The following FAM83D variants were observed in gnomAD, a reference collection of about 807,000 sequenced individuals.
FAM83D encodes the protein scaffolding CK1 anchoring protein D.
A neutral mutation model predicts 25.4 loss-of-function variants in FAM83D; 26 were observed. The observed-to-expected ratio is 1.02, with a 90% CI of 0.75 to 1.42. The LOEUF is 1.42. Among genes scored for constraint, FAM83D ranks in the 40% most tolerant of loss-of-function variants. The pLI is 0.00. For missense variants in FAM83D, 740 were observed against 758.1 expected (o/e 0.98, Z 0.28); for synonymous variants, 310 against 318.5 (o/e 0.97, Z 0.28).
At chr20:38,936,717 T>G (rs1310959442) in intron 1 of FAM83D, among the ~76,000 whole-genome samples, 1 of 152,190 alleles carries the variant, frequency 6.6e-6, no homozygotes, top group Non-Finnish European at 1.5e-5. Flanking sequence ...TTGAACAAGC[T>G]ACCTAACCTC....
intron 1 of FAM83D, among the ~76,000 whole-genome samples, chr20:38,937,018 TGA>T (rs1428155277): frequency 1.3e-5 from 2 of 152,170 alleles, no homozygotes; most frequent in Non-Finnish European, 2.9e-5. Flanking sequence ...GATGATGATG[TGA>T]GAGTGGACAC....
chr20:38,932,675 G>A (rs182704675), intron 1 of FAM83D, among the ~76,000 whole-genome samples: 6 of 152,298 alleles, frequency 3.9e-5, no homozygotes, highest in African/African-American at 7.2e-5. Context: ...GGCTGTGGCC[G>A]CCTGCCTGGA....
intron 1 of FAM83D, among the ~76,000 whole-genome samples, chr20:38,928,488 G>T (rs1415334537): frequency 1.3e-5 from 2 of 152,292 alleles, no homozygotes; most frequent in East Asian, 1.9e-4. Context: ...TCAGTGAAAA[G>T]ATTAAAAAGA....
intron 2 of FAM83D, among the ~76,000 whole-genome samples, chr20:38,946,434 A>G (rs889744059): frequency 1.3e-5 from 2 of 152,264 alleles, no homozygotes; most frequent in Non-Finnish European, 2.9e-5. Flanking sequence ...CAAATGTTAC[A>G]TCTTATGTAA....
At chr20:38,927,244 TAAAATCA>T (rs2085639980) in intron 1 of FAM83D, among the ~76,000 whole-genome samples, 1 of 152,166 alleles carries the variant, frequency 6.6e-6, no homozygotes, top group African/African-American at 2.4e-5. Context: ...AAATTTCAGT[TAAAATCA>T]AACTTGGAAA....
rs189658298 is a variant in FAM83D, at chr20:38,933,664, C to T, written c.483+6739C>T. ...GTAAAAAATACGTAGCAAAATTTAC[C>T]ATTTTAACCATTTGTAAGTGTACAG... On this transcript the variant is annotated intron_variant, in intron 1 of 3. Transcript: ENST00000619850. Among the ~76,000 whole-genome samples the T allele has an allele frequency of 3.9e-3, 600 of 152,254 alleles. 2 individuals are homozygous for T. Among genetic ancestry groups the T allele is most frequent in the Middle Eastern group, 6.8e-3 (2 of 294 alleles).
At chr20:38,948,962 T>C (rs1363817988) in intron 3 of FAM83D, among the ~76,000 whole-genome samples, 1 of 152,224 alleles carries the variant, frequency 6.6e-6, no homozygotes, top group Non-Finnish European at 1.5e-5. Context: ...AAGAAGTTTA[T>C]TAAAAAAATT....
chr20:38,937,577 G>T (rs563126959), intron 1 of FAM83D, among the ~76,000 whole-genome samples: 2 of 152,292 alleles, frequency 1.3e-5, no homozygotes, highest in Non-Finnish European at 2.9e-5. Flanking sequence ...CATGAGGGCT[G>T]GGACACAGGA....
At chr20:38,946,308 A>G (rs1319713246) in intron 2 of FAM83D, among the ~76,000 whole-genome samples, 1 of 152,008 alleles carries the variant, frequency 6.6e-6, no homozygotes, top group Non-Finnish European at 1.5e-5. Context: ...CAGAAGTAGC[A>G]TTATGTCTTG....
At chr20:38,947,843 T>C in intron 2 of FAM83D, 33 bp from the exon 3 acceptor site, 1 of 1,611,124 alleles carries the variant, frequency 6.2e-7, no homozygotes, top group Non-Finnish European at 8.5e-7. Flanking sequence ...TGCTGAATTG[T>C]TCATTTATAT....
intron 1 of FAM83D, among the ~76,000 whole-genome samples, chr20:38,928,883 A>G (rs1026421786): frequency 1.3e-5 from 2 of 152,140 alleles, no homozygotes; most frequent in African/African-American, 2.4e-5. Flanking sequence ...TTACCTTTAA[A>G]TCCAATGAGT....
In FAM83D at chr20:38,926,427, G is replaced by A; in HGVS notation, c.-16G>A. 6.3e-7 allele frequency: 1 copy of A among 1,597,502 alleles called. No homozygotes were observed. The highest frequency in any genetic ancestry group is 2.2e-5 in the East Asian group (1 of 44,582). On this transcript the variant is annotated 5_prime_UTR_variant, in exon 1 of 4. Transcript: ENST00000619850. The stretch of plus-strand genomic sequence containing the variant: ...CGCCGGTTTTTGTCCGAGGGCTGTC[G>A]AGTCCGAGCGCCGCCATGGCTCTGC...
At chr20:38,950,997 G>T (rs2085751251) in intron 3 of FAM83D, among the ~76,000 whole-genome samples, 1 of 152,000 alleles carries the variant, frequency 6.6e-6, no homozygotes, top group African/African-American at 2.4e-5. Context: ...TTTTTTATGT[G>T]TTTTTACTGG....
intron 1 of FAM83D, among the ~76,000 whole-genome samples, chr20:38,927,264 T>G (rs895353408): frequency 2.4e-4 from 36 of 152,156 alleles, no homozygotes; most frequent in Admixed American, 2.3e-3. Flanking sequence ...CTTGGAAAAT[T>G]GCCTATTTCC....
chr20:38,935,380 CT>C (rs1232675655), intron 1 of FAM83D, among the ~76,000 whole-genome samples: 14 of 152,184 alleles, frequency 9.2e-5, no homozygotes. Flanking sequence ...GAAAACTTTG[CT>C]CCTGCCACCC....
At chr20:38,927,444 G>A (rs2085640900) in intron 1 of FAM83D, among the ~76,000 whole-genome samples, 1 of 150,808 alleles carries the variant, frequency 6.6e-6, no homozygotes, top group South Asian at 2.1e-4. Context: ...GCTGTAAAAA[G>A]CAGATAAACA....
chr20:38,930,966 C>T (rs1388794141), intron 1 of FAM83D, among the ~76,000 whole-genome samples: 3 of 151,928 alleles, frequency 2.0e-5, no homozygotes, highest in Non-Finnish European at 2.9e-5. Context: ...AGATGGGTTT[C>T]GCCATGTTGC....
intron 2 of FAM83D, among the ~76,000 whole-genome samples, chr20:38,945,221 A>T (rs2085721765): frequency 6.6e-6 from 1 of 152,094 alleles, no homozygotes; most frequent in African/African-American, 2.4e-5. Context: ...CAACATTCAG[A>T]TGTGTGTCAA....
At chr20:38,927,185 T>A (rs1242907451) in intron 1 of FAM83D, among the ~76,000 whole-genome samples, 1 of 152,142 alleles carries the variant, frequency 6.6e-6, no homozygotes, top group Non-Finnish European at 1.5e-5. Context: ...GGGTTCCATC[T>A]CCTAACGTTC....
Sources: allele counts gnomAD v4.1 joint callset (sites outside exome capture counted in the v4.1 genomes callset), GRCh38; gene constraint gnomAD v4.1.1; transcripts MANE v1.5; gene names NCBI Gene and HGNC (gene_info 2026-07-23, HGNC 2026-07-21).